The following MYO3B variants were observed in gnomAD, a reference collection of about 807,000 sequenced individuals.
MYO3B encodes myosin IIIB.
A neutral mutation model predicts 174.6 loss-of-function variants in MYO3B; 156 were observed. That is an observed-to-expected ratio of 0.89 (90% confidence interval 0.78 to 1.02). The LOEUF is 1.02. Ranked by LOEUF, MYO3B falls within the 50% of genes least tolerant of loss-of-function variation. MYO3B has a pLI of 0.00. For missense variants in MYO3B, 1,632 were observed against 1,639.4 expected (o/e 1.00, Z 0.08); for synonymous variants, 563 against 569.1 (o/e 0.99, Z 0.15).
intron 16 of MYO3B, 52 bp from the exon 17 acceptor site, chr2:170,400,136 A>G (rs1163081847): frequency 5.0e-6 from 8 of 1,611,714 alleles, no homozygotes; most frequent in Non-Finnish European, 6.8e-6. Context: ...CTAATGGTTC[A>G]TTAGTTTGAC....
At chr2:170,624,013 T>A (rs937426906) in intron 32 of MYO3B, among the ~76,000 whole-genome samples, 1 of 152,206 alleles carries the variant, frequency 6.6e-6, no homozygotes, top group Non-Finnish European at 1.5e-5. Context: ...GTGTGATGCC[T>A]CCAGCTTTGT....
At chr2:170,603,293 A>G (rs1405158306) in intron 32 of MYO3B, among the ~76,000 whole-genome samples, 2 of 152,168 alleles carry the variant, frequency 1.3e-5, no homozygotes, top group African/African-American at 4.8e-5. Flanking sequence ...TTAATTGTCC[A>G]TATAAGTGTG....
Position 170,369,329 on chromosome 2 carries a change from C to G in MYO3B, c.923C>G (p.Ala308Gly). The G allele has an allele frequency of 1.2e-6, 2 of 1,613,606 alleles. No homozygotes were observed. Reference sequence around the variant, plus strand: ...GTTCTGTTTCTGCAAAAACAGCTGGCCAAGGTTCTCCAAGACCAGAAGCAT... The same window carrying G: ...GTTCTGTTTCTGCAAAAACAGCTGGGCAAGGTTCTCCAAGACCAGAAGCAT... ...GKVLFLQKQL[A>G]KVLQDQKHQN... Residue 308 changes from alanine to glycine, a missense_variant, in exon 9 of 35, where the codon GCC (alanine) becomes GGC (glycine). Physicochemically the swap from Ala to Gly is moderately conservative, Grantham distance 60 (BLOSUM62 0). Coordinates refer to ENST00000408978, the MANE Select transcript of MYO3B (RefSeq NM_138995.5).
chr2:170,388,193 T>C (rs1274041959), intron 14 of MYO3B, among the ~76,000 whole-genome samples: 5 of 152,136 alleles, frequency 3.3e-5, no homozygotes, highest in Non-Finnish European at 5.9e-5. Context: ...TGTTGGCTTG[T>C]AAGAGCAAAC....
At chr2:170,314,897 T>G (rs1295973714) in intron 7 of MYO3B, among the ~76,000 whole-genome samples, 1 of 152,234 alleles carries the variant, frequency 6.6e-6, no homozygotes, top group African/African-American at 2.4e-5. Flanking sequence ...TCAGCATTAC[T>G]CAGTTTTGTG....
intron 28 of MYO3B, among the ~76,000 whole-genome samples, chr2:170,508,108 CTT>C (rs1449942413): frequency 1.3e-5 from 2 of 152,088 alleles, no homozygotes; most frequent in Non-Finnish European, 2.9e-5. Flanking sequence ...TAAGATGAAA[CTT>C]TTGTGCAACA....
chr2:170,481,185 A>C (rs1162359613), intron 25 of MYO3B, among the ~76,000 whole-genome samples: 3 of 152,214 alleles, frequency 2.0e-5, no homozygotes, highest in Non-Finnish European at 4.4e-5. Flanking sequence ...GGACATCATT[A>C]GACTTCTTTT....
At chr2:170,482,537 C>T (rs776581942) in intron 25 of MYO3B, among the ~76,000 whole-genome samples, 49 of 152,222 alleles carry the variant, frequency 3.2e-4, no homozygotes, top group Non-Finnish European at 4.1e-4. Context: ...GAGGCCTCCC[C>T]AGCCATGTGG....
chr2:170,410,294 G>A (rs373364486), intron 22 of MYO3B, among the ~76,000 whole-genome samples: 1 of 152,096 alleles, frequency 6.6e-6, no homozygotes, highest in East Asian at 1.9e-4. Flanking sequence ...GGCCAGGCGC[G>A]GTGGCTCACG....
chr2:170,404,276 T>TA lies in MYO3B; in HGVS notation c.2307_2308insA (p.Val770SerfsTer6), dbSNP rs2094496595. The TA allele has an allele frequency of 6.2e-7, 1 of 1,612,054 alleles. No homozygotes were observed. The highest frequency in any genetic ancestry group is 1.3e-5 in the African/African-American group (1 of 74,842). On this transcript the variant is annotated frameshift_variant, in exon 20 of 35. Transcript: ENST00000408978. LOFTEE classifies it high-confidence loss of function. ...AATATCAGAATGAAGGCATTGATGC[T>TA]GTACCCGTGGAATATGAGGACAACC...
chr2:170,186,481 C>T (rs1334994401), intron 1 of MYO3B, among the ~76,000 whole-genome samples: 1 of 152,144 alleles, frequency 6.6e-6, no homozygotes, highest in Non-Finnish European at 1.5e-5. Context: ...CCCACTTGGT[C>T]AGGATGAATA....
intron 7 of MYO3B, among the ~76,000 whole-genome samples, chr2:170,262,259 A>G (rs1007005850): frequency 3.9e-5 from 6 of 152,232 alleles, no homozygotes; most frequent in Non-Finnish European, 7.4e-5. Flanking sequence ...GCAAAGGAAT[A>G]GCTGTGCAAA....
chr2:170,609,166 C>T (rs1694991047), intron 32 of MYO3B, among the ~76,000 whole-genome samples: 1 of 152,130 alleles, frequency 6.6e-6, no homozygotes, highest in South Asian at 2.1e-4. Flanking sequence ...GCCCATGTTC[C>T]TTCACAAATG....
At chr2:170,399,473 CA>C (rs11296778) in intron 16 of MYO3B, among the ~76,000 whole-genome samples, 13,236 of 123,546 alleles carry the variant, frequency 0.11, 596 homozygotes, top group Non-Finnish European at 0.12. Flanking sequence ...GACTCTATCT[CA>C]AAAAAAAAAA....
In MYO3B at chr2:170,214,834, G is replaced by T; in HGVS notation, c.526+6G>T. On this transcript the variant is annotated splice_donor_region_variant and intron_variant, in intron 5 of 34. Transcript: ENST00000408978. ...AGTTAAGCTCGTTGACTTTGGTAAT[G>T]ACTGCTTGTCGTTTGTTTTCTTGAC... 2.5e-6 allele frequency: 4 copies of T among 1,607,280 alleles called. No homozygotes were observed. The South Asian group carries it at 4.4e-5, about 18-fold the overall frequency.
At chr2:170,407,986 A>G (rs551162524) in intron 22 of MYO3B, 142 bp downstream of exon 22, 5 of 1,009,140 alleles carry the variant, frequency 5.0e-6, no homozygotes, top group Non-Finnish European at 5.8e-6. Context: ...TAAATTCAAG[A>G]AAAGGAAAAT....
At chr2:170,213,395 C>T (rs1489494604) in intron 3 of MYO3B, among the ~76,000 whole-genome samples, 1 of 152,070 alleles carries the variant, frequency 6.6e-6, no homozygotes, top group Non-Finnish European at 1.5e-5. Flanking sequence ...CTGCATGCAC[C>T]GGTGGTCAGA....
chr2:170,546,487 T>C (rs966894980), intron 32 of MYO3B, among the ~76,000 whole-genome samples: 2 of 152,248 alleles, frequency 1.3e-5, no homozygotes, highest in African/African-American at 4.8e-5. Context: ...CAAATAGATA[T>C]AGTGTACTAG....
chr2:170,216,957 G>T (rs1204595037), intron 5 of MYO3B, among the ~76,000 whole-genome samples: 1 of 151,896 alleles, frequency 6.6e-6, no homozygotes, highest in African/African-American at 2.4e-5. Context: ...GGCAACTACA[G>T]CTAGTGAGCC....
Sources: gnomAD v4.1 joint callset for allele counts (sites outside exome capture counted in the v4.1 genomes callset) on GRCh38, gnomAD v4.1.1 for gene constraint, MANE v1.5 for transcripts, NCBI Gene and HGNC (gene_info 2026-07-23, HGNC 2026-07-21) for gene names.